Variants in SLC35F1 observed in about 807,000 individuals in gnomAD.
The protein encoded by SLC35F1 is chromosome 6 open reading frame 169.
Under a neutral mutation model 48.7 loss-of-function variants are expected in SLC35F1, and 14 were observed. The observed-to-expected ratio is 0.29, with a 90% CI of 0.19 to 0.45. The LOEUF (loss-of-function observed/expected upper bound fraction) is 0.45. Among genes scored for constraint, SLC35F1 ranks in the 20% least tolerant of loss-of-function variants. SLC35F1 has a pLI of 1.00. For synonymous variants in SLC35F1, 190 were observed against 202.2 expected (o/e 0.94, Z 0.51); for missense variants, 404 against 500.0 (o/e 0.81, Z 1.83).
intron 4 of SLC35F1, among the ~76,000 whole-genome samples, chr6:118,268,026 T>A (rs753930523): frequency 6.6e-6 from 1 of 152,178 alleles, no homozygotes; most frequent in Non-Finnish European, 1.5e-5. Flanking sequence ...GGAAATTAGA[T>A]GATAAAGAGT....
intron 1 of SLC35F1, among the ~76,000 whole-genome samples, chr6:118,147,804 G>A (rs1304074352): frequency 6.6e-6 from 1 of 152,070 alleles, no homozygotes; most frequent in African/African-American, 2.4e-5. Flanking sequence ...CGTCTTACTT[G>A]GTTTCTCTTA....
rs112409696 is a variant in SLC35F1 at position 118,071,835 on chromosome 6, T to C, written c.174-82610T>C. Among the ~76,000 whole-genome samples, 162 of 152,314 alleles carry C rather than the reference T, an allele frequency of 1.1e-3. 1 individual carries two copies. The highest frequency in any genetic ancestry group is 3.8e-3 in the African/African-American group (157 of 41,576). ...TTTTGGTATCCTGCTTCTCCAGTTCTTCCCCCAGAAGTGTCTCATATGTTT... is the reference window on the plus strand; with the variant it reads ...TTTTGGTATCCTGCTTCTCCAGTTCCTCCCCCAGAAGTGTCTCATATGTTT... On this transcript the variant is annotated intron_variant, in intron 1 of 7. Coordinates refer to ENST00000360388, the MANE Select transcript of SLC35F1 (RefSeq NM_001029858.4).
intron 1 of SLC35F1, among the ~76,000 whole-genome samples, chr6:118,103,140 A>G (rs1773281583): frequency 6.6e-6 from 1 of 152,204 alleles, no homozygotes; most frequent in African/African-American, 2.4e-5. Flanking sequence ...CTAATGCAAA[A>G]TTGAAGCAAG....
intron 7 of SLC35F1, among the ~76,000 whole-genome samples, chr6:118,305,906 ACTCTAAAC>A (rs1415558211): frequency 6.6e-6 from 1 of 152,026 alleles, no homozygotes; most frequent in African/African-American, 2.4e-5. Flanking sequence ...TCGTGGAGTG[ACTCTAAAC>A]CTTCATTTCT....
chr6:118,158,457 G>A (rs370918504), intron 2 of SLC35F1, among the ~76,000 whole-genome samples: 36 of 152,306 alleles, frequency 2.4e-4, no homozygotes, highest in African/African-American at 8.7e-4. Flanking sequence ...AGAGCTGCAA[G>A]TTAGGTCTGA....
chr6:118,069,913 G>A (rs1452552021), intron 1 of SLC35F1, among the ~76,000 whole-genome samples: 2 of 151,350 alleles, frequency 1.3e-5, no homozygotes, highest in Admixed American at 1.3e-4. Context: ...GAGGCGGGTG[G>A]ATCATGAGGT....
At position 118,144,544 on chromosome 6, in the gene SLC35F1, C is replaced by T. The variant is rs1399065492; in HGVS notation, c.174-9901C>T. On this transcript the variant is annotated intron_variant, in intron 1 of 7. Transcript: ENST00000360388. The stretch of plus-strand genomic sequence containing the variant: ...GCAAACCACCTTGGCACAGGTTTAC[C>T]TGTGTAACAAACCTGCACATCCTAC... 2.7e-5 allele frequency among the ~76,000 whole-genome samples: 4 copies of T among 149,234 alleles called. No individual in the cohort carries two copies. In the Admixed American group the frequency reaches 2.7e-4, roughly 10 times the overall value.
chr6:117,945,392 A>G (rs1456759109), intron 1 of SLC35F1, among the ~76,000 whole-genome samples: 1 of 152,208 alleles, frequency 6.6e-6, no homozygotes, highest in Non-Finnish European at 1.5e-5. Context: ...TACTTGCTAC[A>G]TGCATTGTAT....
chr6:118,243,436 G>A (rs1030291170), intron 3 of SLC35F1, among the ~76,000 whole-genome samples: 1 of 152,152 alleles, frequency 6.6e-6, no homozygotes, highest in African/African-American at 2.4e-5. Flanking sequence ...CAACATAGCA[G>A]GACCCCAATT....
At chr6:118,164,821 G>T (rs1286988517) in intron 2 of SLC35F1, among the ~76,000 whole-genome samples, 2 of 152,174 alleles carry the variant, frequency 1.3e-5, no homozygotes, top group Non-Finnish European at 2.9e-5. Context: ...GCCAGAGTAG[G>T]CACAAGTGTA....
At chr6:118,023,969 G>T (rs1190289621) in intron 1 of SLC35F1, among the ~76,000 whole-genome samples, 1 of 152,166 alleles carries the variant, frequency 6.6e-6, no homozygotes, top group Non-Finnish European at 1.5e-5. Context: ...AATTTCTGTT[G>T]CAGAGACATT....
intron 1 of SLC35F1, 34 bp downstream of exon 1, chr6:117,907,933 CG>C: frequency 1.5e-6 from 2 of 1,297,274 alleles, no homozygotes; most frequent in Non-Finnish European, 1.9e-6. Flanking sequence ...GCGCGGGGGG[CG>C]GGGGCTGCGG....
intron 1 of SLC35F1, among the ~76,000 whole-genome samples, chr6:117,957,716 A>G (rs1465618662): frequency 6.6e-6 from 1 of 152,214 alleles, no homozygotes; most frequent in African/African-American, 2.4e-5. Flanking sequence ...AGCCATTGTA[A>G]TATTGTAGCA....
chr6:117,960,473 G>A (rs1776484295), intron 1 of SLC35F1, among the ~76,000 whole-genome samples: 1 of 151,952 alleles, frequency 6.6e-6, no homozygotes, highest in African/African-American at 2.4e-5. Flanking sequence ...GAATCAGGGG[G>A]AGGATTATAA....
intron 1 of SLC35F1, among the ~76,000 whole-genome samples, chr6:118,049,621 C>T (rs80146648): frequency 0.25 from 35,795 of 145,320 alleles, 4,767 homozygotes; most frequent in East Asian, 0.33. Flanking sequence ...AAAATGCTCA[C>T]TATCACTGGC....
rs142291281 is a variant in SLC35F1, at chr6:118,256,573, C to T, written c.478-10422C>T. On this transcript the variant is annotated intron_variant, in intron 3 of 7. Coordinates refer to ENST00000360388, the MANE Select transcript of SLC35F1 (RefSeq NM_001029858.4). ...AGAGGGATGAGGTCACCTCATTATG[C>T]TCTGCTGGGATTGGAGAAGTTTTTT... Among the ~76,000 whole-genome samples, 341 of 152,214 alleles carry T rather than the reference C, an allele frequency of 2.2e-3. 2 individuals carry two copies. The highest frequency in any genetic ancestry group is 7.9e-3 in the African/African-American group (327 of 41,518).
chr6:118,058,330 T>C (rs1357075530), intron 1 of SLC35F1, among the ~76,000 whole-genome samples: 1 of 152,148 alleles, frequency 6.6e-6, no homozygotes, highest in Non-Finnish European at 1.5e-5. Flanking sequence ...AAGGAACTGG[T>C]TTGTTTTCAA....
intron 1 of SLC35F1, among the ~76,000 whole-genome samples, chr6:117,956,528 C>G (rs1776431128): frequency 6.6e-6 from 1 of 152,156 alleles, no homozygotes; most frequent in South Asian, 2.1e-4. Flanking sequence ...GGGACAGTGC[C>G]TGGAATCTAG....
At chr6:117,976,458 G>T (rs890056138) in intron 1 of SLC35F1, among the ~76,000 whole-genome samples, 2 of 152,106 alleles carry the variant, frequency 1.3e-5, no homozygotes, top group African/African-American at 4.8e-5. Context: ...AATTTGATTT[G>T]GGGAGCAAAG....
Sources: allele counts gnomAD v4.1 joint callset (sites outside exome capture counted in the v4.1 genomes callset), GRCh38; gene constraint gnomAD v4.1.1; transcripts MANE v1.5; gene names NCBI Gene and HGNC (gene_info 2026-07-23, HGNC 2026-07-21).